CYTH1: variants seen among roughly 807,000 people sequenced by gnomAD.
The protein encoded by CYTH1 is cytohesin-1.
CYTH1 carries 18 observed loss-of-function variants against 61.8 expected under a neutral mutation model. That is an observed-to-expected ratio of 0.29 (90% CI 0.20 to 0.43). The LOEUF is 0.43. Ranked by LOEUF, CYTH1 falls within the 20% of genes least tolerant of loss-of-function variation. The pLI is 1.00. For synonymous variants in CYTH1, 174 were observed against 184.3 expected (o/e 0.94, Z 0.45); for missense variants, 336 against 510.5 (o/e 0.66, Z 3.29).
Position 78,702,223 on chromosome 17 carries a change from T to C in CYTH1, c.255A>G (p.Ile85Met). The change falls in exon 5 of 14, where the codon ATA (isoleucine) becomes ATG (methionine). Residue 85 changes from isoleucine (I) to methionine (M), a missense_variant. Transcript: ENST00000446868. Reference protein sequence around the residue: ...MDPKKGIQFLIENDLLKNTCE... With the variant: ...MDPKKGIQFLMENDLLKNTCE... ...AAGTGTTCTTCAGGAGGTCGTTCTC[T>C]ATTAAGAACTGGATCCCCTAGAAAA... is the stretch of plus-strand genomic sequence containing the variant. The C allele has an allele frequency of 1.2e-6, 2 of 1,613,950 alleles. No homozygotes were observed. Among genetic ancestry groups the C allele is most frequent in the Non-Finnish European group, 1.7e-6 (2 of 1,179,856 alleles).
intron 1 of CYTH1, chr17:78,727,795 C>T (rs759607093): frequency 2.4e-5 from 11 of 456,794 alleles, no homozygotes; most frequent in South Asian, 4.7e-5. Flanking sequence ...GCTCTTGGAC[C>T]GTCCCCTATC....
chr17:78,743,149 G>GA (rs1216173879), intron 1 of CYTH1, among the ~76,000 whole-genome samples: 1 of 152,020 alleles, frequency 6.6e-6, no homozygotes, highest in Non-Finnish European at 1.5e-5. Flanking sequence ...ACTGTTAAAT[G>GA]AAAAAATCAT....
At chr17:78,734,576 A>G (rs1445215356) in intron 1 of CYTH1, among the ~76,000 whole-genome samples, 4 of 150,360 alleles carry the variant, frequency 2.7e-5, no homozygotes, top group African/African-American at 7.4e-5. Flanking sequence ...AGTAGCTGGG[A>G]TTACGGGCTC....
chr17:78,706,237 T>C (rs966444127), intron 3 of CYTH1, among the ~76,000 whole-genome samples: 1 of 152,212 alleles, frequency 6.6e-6, no homozygotes, highest in African/African-American at 2.4e-5. Context: ...CTCAGATTAA[T>C]ACAGAATATT....
rs372762173 is a variant in CYTH1, at chr17:78,702,261, C to T, written c.238-21G>A. On this transcript the variant is annotated intron_variant, in intron 4 of 13. Coordinates refer to ENST00000446868, the MANE Select transcript of CYTH1 (RefSeq NM_004762.6). ...ATCCCCTAGAAAAAGACAACAAAGA[C>T]GCCAATGATGCTTTGCTGGGAAACA... is the stretch of plus-strand genomic sequence containing the variant. The T allele has an allele frequency of 1.8e-5, 29 of 1,579,570 alleles. No homozygotes were observed. In the East Asian group the frequency reaches 2.0e-4, roughly 11 times the overall value.
chr17:78,693,067 C>T (rs921870332), intron 10 of CYTH1, among the ~76,000 whole-genome samples: 43 of 152,160 alleles, frequency 2.8e-4, no homozygotes, highest in Non-Finnish European at 5.1e-4. Flanking sequence ...TCTACACTGG[C>T]TCTTAACCTT....
chr17:78,772,437 ATC>A (rs534506393), intron 1 of CYTH1, among the ~76,000 whole-genome samples: 147 of 152,338 alleles, frequency 9.6e-4, no homozygotes, highest in African/African-American at 3.4e-3. Flanking sequence ...TGAAGAAAAA[ATC>A]TGTTTGACAT....
chr17:78,725,314 A>G (rs1289212416), intron 1 of CYTH1, among the ~76,000 whole-genome samples: 1 of 152,312 alleles, frequency 6.6e-6, no homozygotes, highest in East Asian at 1.9e-4. Context: ...GTAAATAACC[A>G]GGTGATAAAT....
chr17:78,750,883 T>C (rs937224340), intron 1 of CYTH1, among the ~76,000 whole-genome samples: 4 of 152,176 alleles, frequency 2.6e-5, no homozygotes, highest in Admixed American at 2.0e-4. Flanking sequence ...AAATACAGGT[T>C]AGGTTCCTAC....
chr17:78,711,605 T>G (rs958604221), intron 1 of CYTH1, among the ~76,000 whole-genome samples: 2 of 152,082 alleles, frequency 1.3e-5, no homozygotes, highest in Non-Finnish European at 2.9e-5. Context: ...GAGCAGTTAC[T>G]TTCCCCAAAT....
chr17:78,722,816 G>C (rs560692227), intron 1 of CYTH1, among the ~76,000 whole-genome samples: 1 of 152,202 alleles, frequency 6.6e-6, no homozygotes, highest in South Asian at 2.1e-4. Context: ...AGGACTACTC[G>C]TGCCCAGGAA....
intron 1 of CYTH1, among the ~76,000 whole-genome samples, chr17:78,774,979 C>T (rs1404710638): frequency 6.6e-6 from 1 of 152,260 alleles, no homozygotes; most frequent in Non-Finnish European, 1.5e-5. Flanking sequence ...CGGGTTAGAA[C>T]TGCCGCAAGG....
intron 1 of CYTH1, among the ~76,000 whole-genome samples, chr17:78,773,001 T>A (rs1447071224): frequency 6.6e-6 from 1 of 152,118 alleles, no homozygotes; most frequent in Non-Finnish European, 1.5e-5. Flanking sequence ...GGCTAATTTT[T>A]TTTTGTATTT....
chr17:78,698,212 C>T (rs1384541844), intron 9 of CYTH1, 57 bp downstream of exon 9: 16 of 1,427,618 alleles, frequency 1.1e-5, no homozygotes, highest in Non-Finnish European at 1.6e-5. Context: ...CACGCACACA[C>T]ACCGCCTTTC....
chr17:78,691,313 G>T (rs1205571456), intron 11 of CYTH1: 3 of 152,240 alleles, frequency 2.0e-5, no homozygotes, highest in Non-Finnish European at 4.4e-5. Context: ...GAAGCTGCAT[G>T]TGCATGATGT....
chr17:78,691,957 C>A, intron 11 of CYTH1: 1 of 155,274 alleles, frequency 6.4e-6, no homozygotes, highest in Non-Finnish European at 1.4e-5. Context: ...TCCTTTTCCC[C>A]CACTATATAT....
chr17:78,676,241 T>A, intron 13 of CYTH1, 72 bp from the exon 14 acceptor site: 2 of 1,490,932 alleles, frequency 1.3e-6, no homozygotes, highest in Non-Finnish European at 1.8e-6. Flanking sequence ...AGGCAGGGGA[T>A]TCTCAGGGGC....
chr17:78,700,529 T>TC lies in CYTH1; in HGVS notation c.438-87_438-86insG. On this transcript the variant is annotated intron_variant, in intron 6 of 13. Coordinates refer to ENST00000446868, the MANE Select transcript of CYTH1 (RefSeq NM_004762.6). The surrounding 1 kb of genome is among the most constrained non-coding windows in gnomAD (Gnocchi z 5.1). ...TGTTAAACTGCCAATGATTTTTTTTTTCTTTTTTTTTTTGAGATGGAGTCT... is the reference window on the plus strand; with the variant it reads ...TGTTAAACTGCCAATGATTTTTTTTTCTCTTTTTTTTTTTGAGATGGAGTCT... 1.7e-6 allele frequency: 2 copies of TC among 1,165,086 alleles called. No homozygotes were observed. Among genetic ancestry groups the TC allele is most frequent in the Non-Finnish European group, 2.4e-6 (2 of 832,904 alleles). The allele number at this position is 1,165,086 out of a possible 1,614,324, so 72.2% of individuals were successfully genotyped here.
chr17:78,759,240 G>A (rs569839910), intron 1 of CYTH1, among the ~76,000 whole-genome samples: 12 of 152,310 alleles, frequency 7.9e-5, no homozygotes, highest in African/African-American at 1.2e-4. Context: ...CAACTGCCCC[G>A]AGGAAGGACT....
Sources: allele counts gnomAD v4.1 joint callset (sites outside exome capture counted in the v4.1 genomes callset), GRCh38; gene constraint gnomAD v4.1.1; non-coding constraint Gnocchi (gnomAD v3.1); transcripts MANE v1.5; gene names NCBI Gene and HGNC (gene_info 2026-07-23, HGNC 2026-07-21).